Variants in NFIB observed in about 807,000 individuals in gnomAD.
The protein encoded by NFIB is nuclear factor I B, also known as nuclear factor 1 B-type.
NFIB carries 11 observed loss-of-function variants against 61.5 expected under a neutral mutation model. That is an observed-to-expected ratio of 0.18 (90% CI 0.11 to 0.30). NFIB has a LOEUF of 0.30. NFIB is among the 10% of genes least tolerant of loss of function. The probability of loss-of-function intolerance (pLI) is 1.00; values close to 1 mark genes in which losing one functional copy is unlikely to be tolerated. For synonymous variants in NFIB, 260 were observed against 216.5 expected (o/e 1.20, Z -1.76); for missense variants, 471 against 608.9 (o/e 0.77, Z 2.38).
At chr9:14,335,854 G>A (rs2060880249) in intron 1 of NFIB, among the ~76,000 whole-genome samples, 1 of 152,086 alleles carries the variant, frequency 6.6e-6, no homozygotes. Flanking sequence ...TTTGTATTTA[G>A]TGCAAGGTAT....
At chr9:14,523,156 G>C in the NFIB span, among the ~76,000 whole-genome samples, 3 of 152,044 alleles carry the variant, frequency 2.0e-5, no homozygotes, top group African/African-American at 7.2e-5. Context: ...CTGAGGAAAA[G>C]TGGGTCATAA....
chr9:14,083,545 G>C lies in NFIB; in HGVS notation c.*4764C>G. The C allele has an allele frequency of 4.5e-6, 1 of 222,538 alleles. No individual in the cohort carries two copies. Among genetic ancestry groups the C allele is most frequent in the East Asian group, 6.4e-5 (1 of 15,534 alleles). The allele number at this position is 222,538 out of a possible 1,614,324, so 13.8% of individuals were successfully genotyped here. On this transcript the variant is annotated 3_prime_UTR_variant, in exon 11 of 11. Transcript: ENST00000380953. ...TTTCTTAAAGTCCAGAAAGCATGCA[G>C]CTGGTTAATGTTAACAAAAGACCTT...
intron 2 of NFIB, among the ~76,000 whole-genome samples, chr9:14,217,082 T>TTA (rs1439735973): frequency 1.3e-5 from 2 of 152,234 alleles, no homozygotes; most frequent in Non-Finnish European, 2.9e-5. Flanking sequence ...CATAAGGATG[T>TTA]TATGCCCCAA....
At chr9:14,206,813 G>C (rs1159558227) in intron 2 of NFIB, among the ~76,000 whole-genome samples, 1 of 150,260 alleles carries the variant, frequency 6.7e-6, no homozygotes, top group African/African-American at 2.5e-5. Context: ...TCCCCAACTA[G>C]AATACAAGTT....
intron 3 of NFIB, among the ~76,000 whole-genome samples, chr9:14,173,161 C>T (rs896135650): frequency 6.6e-6 from 1 of 152,196 alleles, no homozygotes; most frequent in Non-Finnish European, 1.5e-5. Context: ...TATCAAGCAC[C>T]TGCTATCTGT....
At chr9:14,392,718 CAAA>C (rs59484635) in intron 1 of NFIB, among the ~76,000 whole-genome samples, 39 of 122,882 alleles carry the variant, frequency 3.2e-4, no homozygotes, top group African/African-American at 1.3e-3. Context: ...GACCTTGTCT[CAAA>C]AAAAAAAAGA....
At chr9:14,493,436 A>G in the NFIB span, among the ~76,000 whole-genome samples, 1 of 152,224 alleles carries the variant, frequency 6.6e-6, no homozygotes, top group African/African-American at 2.4e-5. Flanking sequence ...CTGTAACTCT[A>G]TCATTAGATC....
At chr9:14,216,668 C>A (rs529692331) in intron 2 of NFIB, among the ~76,000 whole-genome samples, 1 of 151,950 alleles carries the variant, frequency 6.6e-6, no homozygotes. Flanking sequence ...GCTGTGTCCT[C>A]CAAAGGACTC....
intron 10 of NFIB, among the ~76,000 whole-genome samples, chr9:14,091,877 C>G (rs920457374): frequency 9.9e-5 from 15 of 152,000 alleles, no homozygotes; most frequent in African/African-American, 3.6e-4. Flanking sequence ...ATGACTATTA[C>G]TATGCATATA....
the NFIB span, among the ~76,000 whole-genome samples, chr9:14,517,770 C>CAGCAT: frequency 6.6e-6 from 1 of 152,174 alleles, no homozygotes; most frequent in African/African-American, 2.4e-5. Context: ...CCCTCACTTA[C>CAGCAT]AGCATGATGC....
chr9:14,312,190 C>G (rs749164980), intron 1 of NFIB, among the ~76,000 whole-genome samples: 4 of 152,152 alleles, frequency 2.6e-5, no homozygotes, highest in Non-Finnish European at 5.9e-5. Context: ...ACTGAATAAG[C>G]CTTATCATTG....
chr9:14,290,135 T>G (rs1375400876), intron 2 of NFIB, among the ~76,000 whole-genome samples: 1 of 152,078 alleles, frequency 6.6e-6, no homozygotes, highest in Non-Finnish European at 1.5e-5. Context: ...CTTTGTACTC[T>G]AGGGAAGGTT....
At chr9:14,365,639 A>G (rs918338246) in intron 1 of NFIB, among the ~76,000 whole-genome samples, 1 of 152,236 alleles carries the variant, frequency 6.6e-6, no homozygotes, top group Admixed American at 6.5e-5. Flanking sequence ...TATACCTTCT[A>G]AGACTGGCTG....
intron 10 of NFIB, 24 bp downstream of exon 10, chr9:14,112,975 C>T: frequency 6.5e-7 from 1 of 1,548,222 alleles, no homozygotes; most frequent in Non-Finnish European, 8.7e-7. Context: ...GCTACACCGT[C>T]ACACCTGGGT....
intron 3 of NFIB, among the ~76,000 whole-genome samples, chr9:14,176,001 T>A (rs1201623886): frequency 6.6e-6 from 1 of 152,152 alleles, no homozygotes; most frequent in African/African-American, 2.4e-5. Context: ...GATTGGGAAA[T>A]CTTAAAGATC....
chr9:14,497,454 G>C, the NFIB span, among the ~76,000 whole-genome samples: 1 of 152,156 alleles, frequency 6.6e-6, no homozygotes, highest in African/African-American at 2.4e-5. Flanking sequence ...CTTAATTATG[G>C]TTCATTTTGG....
chr9:14,216,096 T>C (rs2050827184), intron 2 of NFIB, among the ~76,000 whole-genome samples: 1 of 152,210 alleles, frequency 6.6e-6, no homozygotes, highest in Admixed American at 6.5e-5. Flanking sequence ...TAATGTTCAA[T>C]ATTAAGAAAT....
intron 10 of NFIB, among the ~76,000 whole-genome samples, chr9:14,094,658 T>C (rs1055046728): frequency 6.6e-6 from 1 of 152,202 alleles, no homozygotes; most frequent in East Asian, 1.9e-4. Flanking sequence ...CAAAGTACTC[T>C]TGTGGGCTCT....
At chr9:14,134,837 G>T (rs7021992) in intron 6 of NFIB, among the ~76,000 whole-genome samples, 20,570 of 147,824 alleles carry the variant, frequency 0.14, 1,763 homozygotes, top group South Asian at 0.29. Flanking sequence ...GGTGGAGGTG[G>T]CAGTGAGCCA....
Sources: allele counts gnomAD v4.1 joint callset (sites outside exome capture counted in the v4.1 genomes callset), GRCh38; gene constraint gnomAD v4.1.1; transcripts MANE v1.5; gene names NCBI Gene and HGNC (gene_info 2026-07-23, HGNC 2026-07-21).